Variants in LRRC4C observed in about 807,000 individuals in gnomAD.
LRRC4C encodes leucine-rich repeat-containing protein 4C.
Under a neutral mutation model 33.6 loss-of-function variants are expected in LRRC4C, and 5 were observed. The observed-to-expected ratio is 0.15, with a 90% confidence interval of 0.08 to 0.31. The LOEUF is 0.31. LRRC4C is among the 10% of genes least tolerant of loss of function. LRRC4C has a pLI of 1.00. For synonymous variants in LRRC4C, 329 were observed against 302.0 expected (o/e 1.09, Z -0.93); for missense variants, 560 against 796.7 (o/e 0.70, Z 3.58).
At chr11:41,268,017 GGTAA>G (rs1422970375) in intron 1 of LRRC4C, among the ~76,000 whole-genome samples, 1 of 152,006 alleles carries the variant, frequency 6.6e-6, no homozygotes, top group Non-Finnish European at 1.5e-5. Context: ...TGACCATGCA[GGTAA>G]GTGTTTATTT....
At chr11:41,373,092 T>C (rs1355980035) in intron 1 of LRRC4C, among the ~76,000 whole-genome samples, 2 of 152,136 alleles carry the variant, frequency 1.3e-5, no homozygotes, top group Non-Finnish European at 2.9e-5. Flanking sequence ...GATAACTATA[T>C]GGGGAGTTAT....
intron 3 of LRRC4C, among the ~76,000 whole-genome samples, chr11:40,447,844 T>G (rs1951708930): frequency 6.6e-6 from 1 of 152,106 alleles, no homozygotes; most frequent in South Asian, 2.1e-4. Context: ...TGAGACTGAG[T>G]CTCGCTCTGT....
At chr11:41,057,590 T>G (rs1374701425) in intron 1 of LRRC4C, among the ~76,000 whole-genome samples, 4 of 152,206 alleles carry the variant, frequency 2.6e-5, no homozygotes. Context: ...CCAATAGGCA[T>G]GCACTGCCTC....
chr11:40,708,264 G>GTGTT (rs550863980), intron 2 of LRRC4C, among the ~76,000 whole-genome samples: 2,111 of 152,152 alleles, frequency 0.014, 41 homozygotes, highest in African/African-American at 0.049. Flanking sequence ...GCTTTTGAAT[G>GTGTT]TGTTTGCTCT....
At chr11:40,923,927 C>T (rs1028149384) in intron 2 of LRRC4C, among the ~76,000 whole-genome samples, 2 of 151,856 alleles carry the variant, frequency 1.3e-5, no homozygotes, top group Non-Finnish European at 2.9e-5. Flanking sequence ...CTACCAAATG[C>T]TAATTTTTGA....
chr11:40,425,902 A>G (rs1804229541), intron 3 of LRRC4C, among the ~76,000 whole-genome samples: 1 of 152,042 alleles, frequency 6.6e-6, no homozygotes, highest in Admixed American at 6.6e-5. Context: ...TTCTGCTCAT[A>G]CTTCCACTTG....
At chr11:40,734,910 C>A (rs11036050) in intron 2 of LRRC4C, among the ~76,000 whole-genome samples, 54,673 of 151,730 alleles carry the variant, frequency 0.36, 10,363 homozygotes, top group Middle Eastern at 0.44. Flanking sequence ...AAGAGCCACC[C>A]GCAATGTGCG....
At chr11:41,066,228 C>A (rs1487974716) in intron 1 of LRRC4C, among the ~76,000 whole-genome samples, 2 of 152,110 alleles carry the variant, frequency 1.3e-5, no homozygotes, top group South Asian at 2.1e-4. Flanking sequence ...CATAAATGAC[C>A]TGATGGAGTG....
intron 4 of LRRC4C, among the ~76,000 whole-genome samples, chr11:40,248,495 C>G (rs1275692345): frequency 6.6e-6 from 1 of 151,998 alleles, no homozygotes; most frequent in African/African-American, 2.4e-5. Flanking sequence ...CTTTAGGAGG[C>G]CAAGGAGGAA....
intron 2 of LRRC4C, among the ~76,000 whole-genome samples, chr11:40,719,483 T>C (rs929405757): frequency 2.0e-5 from 3 of 152,200 alleles, no homozygotes; most frequent in African/African-American, 7.2e-5. Flanking sequence ...GACTTTAATG[T>C]GAGGTCTGTA....
At chr11:40,748,029 G>C (rs1303846483) in intron 2 of LRRC4C, among the ~76,000 whole-genome samples, 1 of 152,122 alleles carries the variant, frequency 6.6e-6, no homozygotes, top group Non-Finnish European at 1.5e-5. Context: ...TCTAGCAAGA[G>C]CATTAGACAC....
intron 1 of LRRC4C, among the ~76,000 whole-genome samples, chr11:41,088,525 G>T (rs1048273168): frequency 1.4e-4 from 21 of 152,006 alleles, no homozygotes; most frequent in African/African-American, 4.6e-4. Flanking sequence ...TAGTCACCAG[G>T]TGGCTTCCTT....
intron 3 of LRRC4C, among the ~76,000 whole-genome samples, chr11:40,503,932 T>G (rs187496156): frequency 6.6e-6 from 1 of 152,254 alleles, no homozygotes; most frequent in African/African-American, 2.4e-5. Context: ...TGGTCAGCTA[T>G]AAACTCACTT....
intron 1 of LRRC4C, among the ~76,000 whole-genome samples, chr11:41,204,727 C>T (rs1946531353): frequency 6.6e-6 from 1 of 151,942 alleles, no homozygotes; most frequent in African/African-American, 2.4e-5. Flanking sequence ...GCCTTTCTTT[C>T]TTTCTTTCTT....
chr11:40,925,030 G>A (rs1349687625), intron 2 of LRRC4C, among the ~76,000 whole-genome samples: 2 of 152,000 alleles, frequency 1.3e-5, no homozygotes, highest in African/African-American at 4.8e-5. Flanking sequence ...TTTCTTCTGG[G>A]TTGTTTCTTC....
At chr11:41,323,776 G>A (rs913850766) in intron 1 of LRRC4C, among the ~76,000 whole-genome samples, 3 of 152,144 alleles carry the variant, frequency 2.0e-5, no homozygotes, top group Non-Finnish European at 4.4e-5. Flanking sequence ...TTAAAAAGAA[G>A]TCTGGCTCTC....
intron 2 of LRRC4C, among the ~76,000 whole-genome samples, chr11:40,789,585 A>G (rs1179924831): frequency 6.8e-6 from 1 of 146,430 alleles, no homozygotes; most frequent in Non-Finnish European, 1.5e-5. Flanking sequence ...TACTTCAGAT[A>G]TATTTTTAAA....
rs144088813 is a variant in LRRC4C at position 41,100,522 on chromosome 11, C to A, written c.-495-166799G>T. On this transcript the variant is annotated intron_variant, in intron 1 of 6. Coordinates refer to ENST00000528697, the MANE Select transcript of LRRC4C (RefSeq NM_001258419.2). ...GTGGAGGTTTGCAGTGAGCTGAGAT[C>A]GTGCCATTGCATTCCAGCCTGGGCA... is the stretch of plus-strand genomic sequence containing the variant. 2.6e-5 allele frequency among the ~76,000 whole-genome samples: 4 copies of A among 151,966 alleles called. No individual in the cohort carries two copies. In the East Asian group the frequency reaches 7.8e-4, roughly 30 times the overall value.
chr11:40,504,624 G>A (rs59748966), intron 3 of LRRC4C, among the ~76,000 whole-genome samples: 9,841 of 152,128 alleles, frequency 0.065, 838 homozygotes, highest in African/African-American at 0.2. Context: ...GGAAGAAGAT[G>A]TTTTCTTAGG....
Sources: allele counts gnomAD v4.1 joint callset (sites outside exome capture counted in the v4.1 genomes callset), GRCh38; gene constraint gnomAD v4.1.1; transcripts MANE v1.5; gene names NCBI Gene and HGNC (gene_info 2026-07-23, HGNC 2026-07-21).